Variants in FAAH2 observed in about 807,000 individuals in gnomAD.
FAAH2 encodes the protein fatty-acid amide hydrolase 2.
In FAAH2, 60 loss-of-function variants were observed where a neutral mutation model predicts 36.9. That is an observed-to-expected ratio of 1.63 (90% confidence interval 1.32 to 2.02). The LOEUF (loss-of-function observed/expected upper bound fraction) is 2.02. Ranked by LOEUF, FAAH2 falls within the 30% of genes most tolerant of loss-of-function variation. The pLI is 0.00. For synonymous variants in FAAH2, 214 were observed against 143.8 expected (o/e 1.49, Z -3.49); for missense variants, 689 against 397.5 (o/e 1.73, Z -6.23).
the FAAH2 span, among the ~76,000 whole-genome samples, chrX:57,123,570 A>G: frequency 8.9e-6 from 1 of 112,241 alleles, no homozygotes; most frequent in African/African-American, 3.2e-5. Context: ...ACCCTGAGGA[A>G]TCGCCACGCT....
At chrX:57,361,861 T>C (rs1401866896) in intron 5 of FAAH2, among the ~76,000 whole-genome samples, 1 of 111,549 alleles carries the variant, frequency 9.0e-6, no homozygotes, top group African/African-American at 3.3e-5. Flanking sequence ...ATCTTGTTTG[T>C]CTGGAAAACT....
intron 10 of FAAH2, among the ~76,000 whole-genome samples, chrX:57,475,908 C>T (rs1210315955): frequency 2.7e-5 from 3 of 111,234 alleles, no homozygotes; most frequent in Non-Finnish European, 3.8e-5. Context: ...AGGTCTTTCA[C>T]GTCTAATGGA....
chrX:57,399,571 TC>T (rs1287004106), intron 7 of FAAH2, among the ~76,000 whole-genome samples: 1 of 111,538 alleles, frequency 9.0e-6, no homozygotes, highest in Non-Finnish European at 1.9e-5. Flanking sequence ...GCCTTGTGGC[TC>T]TTTTGGCTTC....
At chrX:57,447,680 CT>C (rs1304956698) in intron 9 of FAAH2, among the ~76,000 whole-genome samples, 1 of 112,068 alleles carries the variant, frequency 8.9e-6, no homozygotes, top group Non-Finnish European at 1.9e-5. Flanking sequence ...ATCTTGGCCC[CT>C]TTTAGCCATG....
At chrX:57,482,481 G>A (rs2057397420) in intron 10 of FAAH2, among the ~76,000 whole-genome samples, 1 of 110,659 alleles carries the variant, frequency 9.0e-6, no homozygotes, top group South Asian at 3.9e-4. Context: ...GCTTCCTTTG[G>A]CTGGGAGAGG....
intron 5 of FAAH2, among the ~76,000 whole-genome samples, chrX:57,370,008 T>G (rs1285606823): frequency 9.0e-6 from 1 of 111,675 alleles, no homozygotes; most frequent in African/African-American, 3.3e-5. Flanking sequence ...TTATTGTAAC[T>G]GTAAGCTTTT....
intron 8 of FAAH2, among the ~76,000 whole-genome samples, chrX:57,438,416 G>A (rs746865999): frequency 9.8e-6 from 1 of 101,689 alleles, no homozygotes; most frequent in South Asian, 4.5e-4. Flanking sequence ...ACTACAAAAT[G>A]CTGATGAAAG....
chrX:57,421,303 G>T (rs2056018207), intron 7 of FAAH2, among the ~76,000 whole-genome samples: 1 of 111,841 alleles, frequency 8.9e-6, no homozygotes, highest in Non-Finnish European at 1.9e-5. Flanking sequence ...AATTATCCAG[G>T]TGTGGTGGTG....
chrX:57,261,575 A>G, the FAAH2 span, among the ~76,000 whole-genome samples: 10 of 107,063 alleles, frequency 9.3e-5, no homozygotes, highest in African/African-American at 3.4e-4. Flanking sequence ...AAAAAAAAAA[A>G]GAAAAAAATA....
At position 57,378,783 on chromosome X, in the gene FAAH2, A is replaced by T; in HGVS notation, c.875A>T (p.Lys292Ile). 2 of 1,205,647 alleles carry T rather than the reference A, an allele frequency of 1.7e-6. No individual in the cohort carries two copies. Among genetic ancestry groups the T allele is most frequent in the Non-Finnish European group, 2.2e-6 (2 of 892,089 alleles). The part of the protein sequence containing the change: ...MLKVMAGPGI[K>I]RLKLDTKVHL... ...AAGGTCATGGCAGGACCTGGGATCAAAAGGTATGTTCATTTATTTTTATTT... is the reference window on the plus strand; with the variant it reads ...AAGGTCATGGCAGGACCTGGGATCATAAGGTATGTTCATTTATTTTTATTT... Residue 292 changes from lysine to isoleucine, a missense_variant, in exon 6 of 11, where the codon AAA (lysine) becomes ATA (isoleucine). Physicochemically the swap from Lys to Ile is moderately radical, Grantham distance 102. Transcript: ENST00000374900.
At chrX:57,237,326 T>C in the FAAH2 span, among the ~76,000 whole-genome samples, 4 of 111,588 alleles carry the variant, frequency 3.6e-5, no homozygotes, top group East Asian at 1.1e-3. Context: ...ATTTGTTTTA[T>C]TTTTTATTCT....
chrX:57,329,450 T>G (rs1311263537), intron 3 of FAAH2, among the ~76,000 whole-genome samples: 1 of 110,701 alleles, frequency 9.0e-6, no homozygotes, highest in African/African-American at 3.3e-5. Flanking sequence ...GGCAGCTGTT[T>G]CAGCACTGAA....
At chrX:57,401,972 T>C (rs751381783) in intron 7 of FAAH2, among the ~76,000 whole-genome samples, 7 of 111,386 alleles carry the variant, frequency 6.3e-5, no homozygotes, top group African/African-American at 2.3e-4. Context: ...ATCTAGTGAC[T>C]GGCTGTCCTA....
the FAAH2 span, among the ~76,000 whole-genome samples, chrX:57,179,326 G>A: frequency 9.0e-6 from 1 of 111,730 alleles, no homozygotes; most frequent in Non-Finnish European, 1.9e-5. Context: ...GCACAGAGTG[G>A]CACATTGGAC....
chrX:57,147,922 T>G, the FAAH2 span, among the ~76,000 whole-genome samples: 1 of 111,859 alleles, frequency 8.9e-6, no homozygotes, highest in Non-Finnish European at 1.9e-5. Flanking sequence ...TCTGAGAGAG[T>G]ACTTGATGTA....
intron 7 of FAAH2, chrX:57,381,411 T>C: frequency 4.8e-6 from 1 of 208,188 alleles, no homozygotes; most frequent in Middle Eastern, 2.9e-3. Context: ...AATACTTTTA[T>C]AATCAGATGA....
At chrX:57,196,911 G>T in the FAAH2 span, among the ~76,000 whole-genome samples, 2 of 111,197 alleles carry the variant, frequency 1.8e-5, no homozygotes, top group African/African-American at 3.3e-5. Flanking sequence ...CTTGTATTTG[G>T]ACGTCTGCAT....
the FAAH2 span, among the ~76,000 whole-genome samples, chrX:57,269,551 T>A: frequency 8.9e-6 from 1 of 111,877 alleles, no homozygotes; most frequent in Non-Finnish European, 1.9e-5. Context: ...GCAATGAAAC[T>A]AGAAATCAAG....
At chrX:57,355,713 T>C (rs1309357494) in intron 5 of FAAH2, among the ~76,000 whole-genome samples, 1 of 111,251 alleles carries the variant, frequency 9.0e-6, no homozygotes. Context: ...GTTTTCTACA[T>C]ACACGATCAT....
Sources: allele counts gnomAD v4.1 joint callset (sites outside exome capture counted in the v4.1 genomes callset), GRCh38; gene constraint gnomAD v4.1.1; transcripts MANE v1.5; gene names NCBI Gene and HGNC (gene_info 2026-07-23, HGNC 2026-07-21).